TTC39C: variants seen among roughly 807,000 people sequenced by gnomAD.
TTC39C encodes tetratricopeptide repeat protein 39C.
TTC39C carries 33 observed loss-of-function variants against 76.3 expected under a neutral mutation model. The ratio of observed to expected loss-of-function variants is 0.43; its 90% CI spans 0.33 to 0.58. The LOEUF is 0.58. Ranked by LOEUF, TTC39C falls within the 20% of genes least tolerant of loss-of-function variation. TTC39C has a pLI of 0.04. For missense variants in TTC39C, 595 were observed against 701.4 expected, an observed-to-expected ratio of 0.85 and a Z score of 1.71; for synonymous variants, 254 against 260.6, an observed-to-expected ratio of 0.97 and a Z score of 0.24.
At chr18:24,001,707 C>T (rs1256544173) in intron 1 of TTC39C, 1 of 152,156 alleles carries the variant, frequency 6.6e-6, no homozygotes, top group Non-Finnish European at 1.5e-5. Flanking sequence ...TTGGGTTCTA[C>T]TCAACTAGGT....
intron 1 of TTC39C, among the ~76,000 whole-genome samples, chr18:24,000,204 G>A (rs2083301523): frequency 6.6e-6 from 1 of 152,144 alleles, no homozygotes; most frequent in African/African-American, 2.4e-5. Context: ...CTAACCCCTA[G>A]CACTTTGGAG....
intron 6 of TTC39C, among the ~76,000 whole-genome samples, chr18:24,092,820 C>T (rs975528867): frequency 2.6e-5 from 4 of 152,166 alleles, no homozygotes; most frequent in Non-Finnish European, 5.9e-5. Flanking sequence ...CACAATGGCT[C>T]ACACCTGTAA....
intron 1 of TTC39C, among the ~76,000 whole-genome samples, chr18:23,999,582 T>C (rs1436531980): frequency 6.8e-6 from 1 of 146,966 alleles, no homozygotes; most frequent in South Asian, 2.1e-4. Flanking sequence ...CATCTGAGTC[T>C]GCAAGTGCTG....
At chr18:24,088,436 T>C (rs1224931814) in intron 6 of TTC39C, among the ~76,000 whole-genome samples, 1 of 152,234 alleles carries the variant, frequency 6.6e-6, no homozygotes, top group Non-Finnish European at 1.5e-5. Flanking sequence ...GCTCCAGATA[T>C]ATGGGCAGTA....
At chr18:24,085,727 C>T (rs760140700) in intron 6 of TTC39C, among the ~76,000 whole-genome samples, 24 of 152,116 alleles carry the variant, frequency 1.6e-4, no homozygotes, top group Non-Finnish European at 2.6e-4. Context: ...CACAGTTAAG[C>T]GGCACTTAAC....
At position 24,080,950 on chromosome 18, in the gene TTC39C, G is replaced by T; in HGVS notation, c.815+11G>T. ...GGCCCCTTTAGCTACGTGAGTAGCTGTATTGCAATGCTTTGGTAGATAATA... is the reference window on the plus strand; with the variant it reads ...GGCCCCTTTAGCTACGTGAGTAGCTTTATTGCAATGCTTTGGTAGATAATA... On this transcript the variant is annotated intron_variant, in intron 5 of 13. Transcript: ENST00000317571. The T allele has an allele frequency of 6.3e-7, 1 of 1,574,960 alleles. No individual in the cohort carries two copies. The highest frequency in any genetic ancestry group is 8.7e-7 in the Non-Finnish European group (1 of 1,150,858).
intron 8 of TTC39C, among the ~76,000 whole-genome samples, chr18:24,122,535 C>G (rs900784157): frequency 2.2e-5 from 3 of 133,368 alleles, no homozygotes; most frequent in Non-Finnish European, 4.7e-5. Flanking sequence ...AGGGAACTAG[C>G]AAGTCAACTT....
chr18:24,022,975 C>G, intron 1 of TTC39C: 1 of 707,020 alleles, frequency 1.4e-6, no homozygotes, highest in Non-Finnish European at 1.7e-6. Flanking sequence ...GTTTACACAT[C>G]TGCCTGTCTG....
intron 3 of TTC39C, among the ~76,000 whole-genome samples, chr18:24,068,335 G>C (rs2084193655): frequency 6.6e-6 from 1 of 152,162 alleles, no homozygotes; most frequent in Admixed American, 6.5e-5. Flanking sequence ...CAGTGACCAC[G>C]ATGGATTATG....
At chr18:24,023,174 C>T (rs771333442) in intron 1 of TTC39C, among the ~76,000 whole-genome samples, 5 of 152,184 alleles carry the variant, frequency 3.3e-5, no homozygotes, top group Non-Finnish European at 7.4e-5. Flanking sequence ...AAGCCTTGTT[C>T]CTCATCACTC....
At chr18:24,030,648 CTTTTT>C (rs1167104790) in intron 1 of TTC39C, among the ~76,000 whole-genome samples, 17 of 89,060 alleles carry the variant, frequency 1.9e-4, no homozygotes, top group Non-Finnish European at 2.4e-4. Flanking sequence ...AAAGATAGGC[CTTTTT>C]TTTTTTTTTT....
intron 1 of TTC39C, among the ~76,000 whole-genome samples, chr18:24,008,704 T>A (rs1001297985): frequency 6.6e-6 from 1 of 152,162 alleles, no homozygotes; most frequent in African/African-American, 2.4e-5. Context: ...GAAATACAAA[T>A]CGTTCTGTCA....
chr18:24,106,666 C>T (rs535889048), intron 6 of TTC39C, among the ~76,000 whole-genome samples: 1 of 152,262 alleles, frequency 6.6e-6, no homozygotes, highest in East Asian at 1.9e-4. Flanking sequence ...CATAGTGCAG[C>T]AGACTGATGG....
chr18:24,020,011 T>C (rs199693627), intron 1 of TTC39C: 1 of 1,427,600 alleles, frequency 7.0e-7, no homozygotes, highest in Non-Finnish European at 9.1e-7. Context: ...TTGCAGGCTG[T>C]CCATGATTTC....
At chr18:24,081,831 A>G (rs146967260) in intron 5 of TTC39C, among the ~76,000 whole-genome samples, 296 of 152,274 alleles carry the variant, frequency 1.9e-3, no homozygotes, top group Middle Eastern at 0.01. Flanking sequence ...TAGGTTTGTT[A>G]ACTTGTGATC....
intron 8 of TTC39C, among the ~76,000 whole-genome samples, chr18:24,122,787 C>T (rs1178948227): frequency 6.6e-6 from 1 of 152,078 alleles, no homozygotes; most frequent in Non-Finnish European, 1.5e-5. Flanking sequence ...TGATCAAAAT[C>T]TCACTCATTC....
chr18:24,021,205 C>T (rs1218778942), intron 1 of TTC39C, among the ~76,000 whole-genome samples: 1 of 152,178 alleles, frequency 6.6e-6, no homozygotes, highest in Non-Finnish European at 1.5e-5. Context: ...TACTTCAAAA[C>T]TGCCTAGTGC....
intron 4 of TTC39C, among the ~76,000 whole-genome samples, chr18:24,077,493 T>C (rs1266799644): frequency 6.6e-6 from 1 of 152,246 alleles, no homozygotes; most frequent in African/African-American, 2.4e-5. Context: ...TGTGACCCAA[T>C]AGAGCATTTA....
At chr18:24,030,238 T>C (rs1406969071) in intron 1 of TTC39C, among the ~76,000 whole-genome samples, 1 of 152,172 alleles carries the variant, frequency 6.6e-6, no homozygotes, top group Non-Finnish European at 1.5e-5. Flanking sequence ...TAGCATAGAA[T>C]AGAGATGAAT....
Sources: gnomAD v4.1 joint callset for allele counts (sites outside exome capture counted in the v4.1 genomes callset) on GRCh38, gnomAD v4.1.1 for gene constraint, MANE v1.5 for transcripts, NCBI Gene and HGNC (gene_info 2026-07-23, HGNC 2026-07-21) for gene names.